ADAMTSL1: variants seen among roughly 807,000 people sequenced by gnomAD.
ADAMTSL1 encodes ADAMTS like 1, also known as ADAMTS-like protein 1.
Under a neutral mutation model 201.8 loss-of-function variants are expected in ADAMTSL1, and 126 were observed. The observed-to-expected ratio is 0.62, with a 90% confidence interval of 0.54 to 0.72. ADAMTSL1 has a LOEUF of 0.72. ADAMTSL1 is among the 30% of genes least tolerant of loss of function. The pLI, the probability that ADAMTSL1 is intolerant of heterozygous loss-of-function variation, is 0.00. For missense variants in ADAMTSL1, 2,679 were observed against 2,277.8 expected (o/e 1.18, Z -3.59); for synonymous variants, 1,121 against 903.4 (o/e 1.24, Z -4.32).
At chr9:17,950,032 C>G (rs1827671826) in intron 1 of ADAMTSL1, among the ~76,000 whole-genome samples, 2 of 152,086 alleles carry the variant, frequency 1.3e-5, no homozygotes, top group Non-Finnish European at 2.9e-5. Flanking sequence ...GATTCTCGTG[C>G]TTCAGCCTTT....
intron 1 of ADAMTSL1, among the ~76,000 whole-genome samples, chr9:18,150,325 A>T (rs1826853011): frequency 6.6e-6 from 1 of 152,088 alleles, no homozygotes; most frequent in Admixed American, 6.6e-5. Flanking sequence ...GTATGGTGTC[A>T]TGGAAAGGAA....
chr9:18,030,591 A>G (rs1323169573), intron 1 of ADAMTSL1, among the ~76,000 whole-genome samples: 2 of 152,130 alleles, frequency 1.3e-5, no homozygotes, highest in Non-Finnish European at 2.9e-5. Flanking sequence ...TTTTGTGTTG[A>G]CCTTGAAAAA....
intron 1 of ADAMTSL1, among the ~76,000 whole-genome samples, chr9:18,075,722 C>A (rs1823190456): frequency 6.6e-6 from 1 of 152,174 alleles, no homozygotes; most frequent in African/African-American, 2.4e-5. Flanking sequence ...CAAGCCCACC[C>A]TGGGAGGGCT....
chr9:18,114,915 G>T (rs910264007), intron 1 of ADAMTSL1, among the ~76,000 whole-genome samples: 2 of 152,292 alleles, frequency 1.3e-5, no homozygotes, highest in South Asian at 2.1e-4. Context: ...GGTAAGTCAA[G>T]AGAGTTTGGA....
intron 1 of ADAMTSL1, among the ~76,000 whole-genome samples, chr9:18,482,463 T>G (rs1018721150): frequency 2.0e-5 from 3 of 152,216 alleles, no homozygotes; most frequent in African/African-American, 7.2e-5. Context: ...ATTTTCCCCT[T>G]CAATTTTTGT....
intron 2 of ADAMTSL1, among the ~76,000 whole-genome samples, chr9:18,235,835 C>G (rs780796642): frequency 1.3e-5 from 2 of 152,188 alleles, no homozygotes; most frequent in African/African-American, 2.4e-5. Context: ...CTTTACCATC[C>G]TCTTGCTGAG....
chr9:18,675,166 A>G (rs944657259), intron 9 of ADAMTSL1, among the ~76,000 whole-genome samples: 14 of 152,144 alleles, frequency 9.2e-5, no homozygotes, highest in Non-Finnish European at 2.1e-4. Flanking sequence ...AGCAGTTAAC[A>G]CTGTACAATA....
chr9:18,515,243 C>T (rs1164038775), intron 2 of ADAMTSL1, among the ~76,000 whole-genome samples: 3 of 152,026 alleles, frequency 2.0e-5, no homozygotes, highest in Admixed American at 2.0e-4. Context: ...AAATTGCTGC[C>T]GTCTCGAAGG....
intron 1 of ADAMTSL1, among the ~76,000 whole-genome samples, chr9:17,943,933 A>G (rs1395002886): frequency 6.6e-6 from 1 of 152,044 alleles, no homozygotes; most frequent in Non-Finnish European, 1.5e-5. Context: ...CCACAGAAGG[A>G]ACGAGAGAGA....
intron 1 of ADAMTSL1, among the ~76,000 whole-genome samples, chr9:18,137,161 G>C (rs1050970407): frequency 5.9e-5 from 9 of 152,122 alleles, no homozygotes; most frequent in Non-Finnish European, 1.0e-4. Context: ...AGTAGCCCAG[G>C]TTTCTGAGGG....
At chr9:18,162,872 C>T (rs1342920893) in intron 1 of ADAMTSL1, among the ~76,000 whole-genome samples, 1 of 151,838 alleles carries the variant, frequency 6.6e-6, no homozygotes, top group Non-Finnish European at 1.5e-5. Context: ...GTTCCTTGAG[C>T]AGAATGTGCT....
chr9:18,759,286 G>C (rs1768845013), intron 16 of ADAMTSL1, among the ~76,000 whole-genome samples: 1 of 152,142 alleles, frequency 6.6e-6, no homozygotes, highest in Non-Finnish European at 1.5e-5. Flanking sequence ...ATAAGGGAGA[G>C]GAGTCCCTGC....
At chr9:18,321,198 A>C (rs1170353375) in intron 2 of ADAMTSL1, among the ~76,000 whole-genome samples, 1 of 152,226 alleles carries the variant, frequency 6.6e-6, no homozygotes, top group Admixed American at 6.5e-5. Flanking sequence ...TCAGGACAAT[A>C]TGTATCACCC....
In ADAMTSL1 at chr9:18,658,757, C is replaced by T. The variant is rs552005995; in HGVS notation, c.946+1007C>T. ...TTTACATAATAATTGCATTGAATTT[C>T]CCAATAATTTATTTAGACATTTCCC... On this transcript the variant is annotated intron_variant, in intron 8 of 28. Transcript: ENST00000380548. Among the ~76,000 whole-genome samples the T allele has an allele frequency of 8.5e-5, 13 of 152,286 alleles. No homozygotes were observed. The East Asian group carries it at 2.5e-3, about 29-fold the overall frequency.
chr9:18,022,200 C>G (rs1244183806), intron 1 of ADAMTSL1, among the ~76,000 whole-genome samples: 1 of 152,070 alleles, frequency 6.6e-6, no homozygotes, highest in Admixed American at 6.6e-5. Context: ...GAAAGATCAC[C>G]ATAAACTAGG....
At chr9:18,145,911 C>T (rs1826619716) in intron 1 of ADAMTSL1, among the ~76,000 whole-genome samples, 1 of 151,936 alleles carries the variant, frequency 6.6e-6, no homozygotes, top group Non-Finnish European at 1.5e-5. Flanking sequence ...AATAAGAAAA[C>T]AAACAGGCAA....
intron 2 of ADAMTSL1, among the ~76,000 whole-genome samples, chr9:18,212,248 C>T (rs960667365): frequency 6.6e-6 from 1 of 152,114 alleles, no homozygotes; most frequent in Admixed American, 6.5e-5. Flanking sequence ...GATTGAACAG[C>T]AAACTCAAAG....
At position 18,892,460 on chromosome 9, in the gene ADAMTSL1, G is replaced by A; in HGVS notation, c.4715G>A (p.Cys1572Tyr). Residue 1572 changes from cysteine to tyrosine, a missense_variant, in exon 26 of 29, where the codon TGT (cysteine) becomes TAT (tyrosine). By Grantham distance (194) the Cys-to-Tyr change is radical. Coordinates refer to ENST00000380548, the MANE Select transcript of ADAMTSL1 (RefSeq NM_001040272.6). ...GGGVQTRRVT[C>Y]QKLKASGIST... The stretch of plus-strand genomic sequence containing the variant: ...GGTGTCCAGACCCGCAGGGTGACCT[G>A]TCAAAAGCTGAAAGCCTCTGGGATC... The A allele has an allele frequency of 6.2e-7, 1 of 1,613,396 alleles. No homozygotes were observed.
intron 1 of ADAMTSL1, among the ~76,000 whole-genome samples, chr9:18,139,747 AT>A (rs1390282308): frequency 2.0e-5 from 3 of 152,228 alleles, no homozygotes; most frequent in South Asian, 2.1e-4. Context: ...TGAGATCACA[AT>A]TTTTTTCCCA....
Sources: allele counts gnomAD v4.1 joint callset (sites outside exome capture counted in the v4.1 genomes callset), GRCh38; gene constraint gnomAD v4.1.1; transcripts MANE v1.5; gene names NCBI Gene and HGNC (gene_info 2026-07-23, HGNC 2026-07-21).